Variants in RPS6KA6 observed in about 807,000 individuals in gnomAD.
The protein encoded by RPS6KA6 is ribosomal protein S6 kinase A6.
In RPS6KA6, 27 loss-of-function variants were observed where a neutral mutation model predicts 65.4. The observed-to-expected ratio is 0.41, with a 90% CI of 0.30 to 0.57. The LOEUF (loss-of-function observed/expected upper bound fraction) is 0.57, where lower values mean the gene tolerates loss of function less well. RPS6KA6 is among the 20% of genes least tolerant of loss of function. The pLI, the probability that RPS6KA6 is intolerant of heterozygous loss-of-function variation, is 0.24. For synonymous variants in RPS6KA6, 190 were observed against 184.2 expected (o/e 1.03, Z -0.26); for missense variants, 486 against 555.6 (o/e 0.87, Z 1.26).
At chrX:84,185,255 T>C (rs970726395) in intron 1 of RPS6KA6, among the ~76,000 whole-genome samples, 10 of 111,226 alleles carry the variant, frequency 9.0e-5, no homozygotes, top group Non-Finnish European at 1.7e-4. Context: ...TTGCTTACCC[T>C]ATTTCCCCTC....
chrX:84,120,767 TAA>T (rs2034657568), intron 8 of RPS6KA6, among the ~76,000 whole-genome samples: 3 of 111,831 alleles, frequency 2.7e-5, no homozygotes, highest in Non-Finnish European at 5.7e-5. Flanking sequence ...GAAACTTCAA[TAA>T]AATCCCAGCA....
At chrX:84,146,272 T>G (rs1218848391) in intron 5 of RPS6KA6, among the ~76,000 whole-genome samples, 1 of 111,683 alleles carries the variant, frequency 9.0e-6, no homozygotes, top group African/African-American at 3.2e-5. Context: ...TATGGGATTT[T>G]AATAGTGATA....
At chrX:84,147,431 C>A (rs911465216) in intron 4 of RPS6KA6, among the ~76,000 whole-genome samples, 1 of 110,949 alleles carries the variant, frequency 9.0e-6, no homozygotes, top group Non-Finnish European at 1.9e-5. Flanking sequence ...CTCAGCTTCC[C>A]GAGCAGCTGG....
chrX:84,102,382 T>C (rs1407912140), intron 17 of RPS6KA6, among the ~76,000 whole-genome samples, 184 bp from the exon 18 acceptor site: 3 of 111,052 alleles, frequency 2.7e-5, no homozygotes, highest in Non-Finnish European at 3.8e-5. Flanking sequence ...ATTATGTCTG[T>C]CAGATAGATG....
At chrX:84,136,087 C>T (rs2034986452) in intron 6 of RPS6KA6, among the ~76,000 whole-genome samples, 2 of 111,365 alleles carry the variant, frequency 1.8e-5, no homozygotes, top group African/African-American at 6.5e-5. Context: ...CCATATGGTA[C>T]TATTATTATA....
chrX:84,117,284 A>T (rs756431372), intron 10 of RPS6KA6, 100 bp downstream of exon 10: 241 of 648,185 alleles, frequency 3.7e-4, no homozygotes, highest in Non-Finnish European at 4.9e-4. Flanking sequence ...AGACAGTGAG[A>T]AAAAGGTACT....
chrX:84,146,206 C>T (rs2035196620), intron 5 of RPS6KA6, among the ~76,000 whole-genome samples: 1 of 111,206 alleles, frequency 9.0e-6, no homozygotes, highest in South Asian at 3.7e-4. Context: ...TTAGATGTTA[C>T]TTTTTTTATT....
At position 84,177,298 on chromosome X, in the gene RPS6KA6, GT is replaced by G. The variant is rs746600333; in HGVS notation, c.81+10520del. On this transcript the variant is annotated intron_variant, in intron 1 of 21. Coordinates refer to ENST00000262752, the MANE Select transcript of RPS6KA6 (RefSeq NM_014496.5). ...ATCTTCAATAACTCAGATTGCAGAT[GT>G]GATATATTTAAAAATAATAACATTT... 2.6e-3 allele frequency among the ~76,000 whole-genome samples: 294 copies of G among 111,563 alleles called. 2 individuals are homozygous for G. The highest frequency in any genetic ancestry group is 9.3e-3 in the Middle Eastern group (2 of 214).
At chrX:84,105,643 A>C (rs1391633361) in intron 16 of RPS6KA6, 144 bp downstream of exon 16, 5 of 334,299 alleles carry the variant, frequency 1.5e-5, no homozygotes, top group Non-Finnish European at 2.7e-5. Flanking sequence ...AAAAAAAAGA[A>C]TTAAAGTGGC....
At chrX:84,143,390 A>T (rs2035141528) in intron 6 of RPS6KA6, among the ~76,000 whole-genome samples, 2 of 111,174 alleles carry the variant, frequency 1.8e-5, no homozygotes, top group South Asian at 7.4e-4. Context: ...ATACACAAAA[A>T]ATCGGTTGTG....
intron 18 of RPS6KA6, among the ~76,000 whole-genome samples, chrX:84,101,735 T>C (rs2034263293): frequency 9.1e-6 from 1 of 110,430 alleles, no homozygotes; most frequent in Non-Finnish European, 1.9e-5. Context: ...ATACATAATA[T>C]ATTGAAGCTG....
intron 6 of RPS6KA6, among the ~76,000 whole-genome samples, chrX:84,138,280 C>T (rs1269095848): frequency 9.0e-6 from 1 of 110,952 alleles, no homozygotes; most frequent in Non-Finnish European, 1.9e-5. Context: ...TTTGCTTATG[C>T]ACATTACCAA....
At chrX:84,081,934 T>C (rs1248874097) in intron 20 of RPS6KA6, among the ~76,000 whole-genome samples, 1 of 112,005 alleles carries the variant, frequency 8.9e-6, no homozygotes. Flanking sequence ...TAGGTATTGA[T>C]GGAACATATT....
intron 20 of RPS6KA6, among the ~76,000 whole-genome samples, chrX:84,068,287 T>C (rs1241171055): frequency 1.8e-5 from 2 of 112,284 alleles, no homozygotes; most frequent in East Asian, 2.8e-4. Context: ...TCAATGTAAA[T>C]GGGCTAAATG....
intron 6 of RPS6KA6, among the ~76,000 whole-genome samples, chrX:84,138,386 C>G (rs1208016558): frequency 3.8e-5 from 4 of 106,421 alleles, no homozygotes; most frequent in South Asian, 8.4e-4. Flanking sequence ...GATCCCATCT[C>G]TACTGAAAAA....
intron 20 of RPS6KA6, among the ~76,000 whole-genome samples, chrX:84,084,561 G>A (rs2033875933): frequency 9.0e-6 from 1 of 111,697 alleles, no homozygotes. Flanking sequence ...CTGTTCCATT[G>A]GTCTATGTGT....
intron 8 of RPS6KA6, among the ~76,000 whole-genome samples, chrX:84,129,108 T>A (rs2034847387): frequency 9.0e-6 from 1 of 111,327 alleles, no homozygotes; most frequent in Non-Finnish European, 1.9e-5. Context: ...GACAAGGGAT[T>A]AGTAACAAGA....
In RPS6KA6 at chrX:84,067,638, T is replaced by C. The variant is rs754823871; in HGVS notation, c.1972-2527A>G. On this transcript the variant is annotated intron_variant, in intron 20 of 21. Transcript: ENST00000262752. ...GGGTCTATGTGAATCAAATCTACGATTGACTGATGTACCTGAAAGTGATGG... is the reference window on the plus strand; with the variant it reads ...GGGTCTATGTGAATCAAATCTACGACTGACTGATGTACCTGAAAGTGATGG... Among the ~76,000 whole-genome samples the C allele has an allele frequency of 8.1e-5, 9 of 111,704 alleles. No individual in the cohort carries two copies. The South Asian group carries it at 3.0e-3, about 37-fold the overall frequency.
intron 20 of RPS6KA6, among the ~76,000 whole-genome samples, chrX:84,086,567 A>C (rs1418363887): frequency 9.1e-6 from 1 of 110,187 alleles, no homozygotes; most frequent in African/African-American, 3.3e-5. Flanking sequence ...TTTGCTGAGG[A>C]GTGTTTTATT....
Sources: allele counts gnomAD v4.1 joint callset (sites outside exome capture counted in the v4.1 genomes callset), GRCh38; gene constraint gnomAD v4.1.1; transcripts MANE v1.5; gene names NCBI Gene and HGNC (gene_info 2026-07-23, HGNC 2026-07-21).